SHANK2: variants seen among roughly 807,000 people sequenced by gnomAD.
SHANK2 encodes SH3 and multiple ankyrin repeat domains 2, also known as SH3 and multiple ankyrin repeat domains protein 2.
SHANK2 carries 43 observed loss-of-function variants against 133.7 expected under a neutral mutation model. The observed-to-expected ratio is 0.32, with a 90% CI of 0.25 to 0.41. SHANK2 has a LOEUF of 0.41. Ranked by LOEUF, SHANK2 falls within the 10% of genes least tolerant of loss-of-function variation. The pLI is 1.00. For synonymous variants in SHANK2, 1,017 were observed against 952.8 expected, an observed-to-expected ratio of 1.07 and a Z score of -1.24; for missense variants, 1,994 against 2,235.8, an observed-to-expected ratio of 0.89 and a Z score of 2.18.
chr11:70,660,115 A>C (rs2061462706), intron 16 of SHANK2, among the ~76,000 whole-genome samples, 163 bp from the exon 17 acceptor site: 1 of 151,972 alleles, frequency 6.6e-6, no homozygotes, highest in Non-Finnish European at 1.5e-5. Context: ...TGAGATTCAT[A>C]CTCATGGGCT....
At chr11:70,863,816 T>C (rs369161728) in intron 11 of SHANK2, 3 of 457,606 alleles carry the variant, frequency 6.6e-6, no homozygotes, top group African/African-American at 4.0e-5. Flanking sequence ...AGAGGAAACC[T>C]GGACAGACAG....
intron 3 of SHANK2, among the ~76,000 whole-genome samples, chr11:71,143,095 C>T (rs1340969847): frequency 6.6e-6 from 1 of 152,134 alleles, no homozygotes; most frequent in Non-Finnish European, 1.5e-5. Flanking sequence ...ATTAGCCGGG[C>T]ATGGCGGCAG....
At chr11:70,851,420 AAAAG>A (rs1352829923) in intron 11 of SHANK2, among the ~76,000 whole-genome samples, 2 of 152,220 alleles carry the variant, frequency 1.3e-5, no homozygotes, top group Non-Finnish European at 2.9e-5. Flanking sequence ...GGACATAAAT[AAAAG>A]AAACAGGTCC....
chr11:71,059,763 A>T (rs1265447988), intron 9 of SHANK2, among the ~76,000 whole-genome samples: 2 of 152,184 alleles, frequency 1.3e-5, no homozygotes, highest in Non-Finnish European at 2.9e-5. Context: ...TGAGTTGGGT[A>T]GTAAAGGCCG....
intron 9 of SHANK2, among the ~76,000 whole-genome samples, chr11:71,061,294 A>G (rs1461930671): frequency 1.3e-5 from 2 of 152,278 alleles, no homozygotes; most frequent in Non-Finnish European, 2.9e-5. Context: ...TCTTTACAGA[A>G]AAAAGGGTAC....
chr11:70,736,190 A>G (rs1194591032), intron 14 of SHANK2, among the ~76,000 whole-genome samples: 3 of 152,078 alleles, frequency 2.0e-5, no homozygotes, highest in Admixed American at 2.0e-4. Context: ...CATTCAGGCC[A>G]TGCATGGCCT....
In SHANK2 at chr11:71,073,138, TTTTCTTTTCTTTTTTTTCTTTTTTTTC is replaced by T. The variant is rs1951165432; in HGVS notation, c.1029+1994_1029+2020del. 2.1e-5 allele frequency among the ~76,000 whole-genome samples: 2 copies of T among 95,472 alleles called. 1 individual carries two copies. The highest frequency in any genetic ancestry group is 6.1e-5 in the African/African-American group (2 of 32,978). 62.6% of individuals were successfully genotyped at this position (95,472 alleles called of 152,430 possible). A position where few individuals can be genotyped will look rare whatever the true frequency, so the allele number is the denominator to read the frequency against. On this transcript the variant is annotated intron_variant, in intron 9 of 25. Coordinates refer to ENST00000601538, the MANE Select transcript of SHANK2 (RefSeq NM_012309.5). ...AAGGCTTGCTTTTTGTTTTTTTTCT[TTTTCTTTTCTTTTTTTTCTTTTTTTTC>T]TTTTTTTTTTTGAGATAGAGTCTTG...
At chr11:71,088,757 C>T (rs879037028) in intron 8 of SHANK2, among the ~76,000 whole-genome samples, 5 of 142,632 alleles carry the variant, frequency 3.5e-5, no homozygotes, top group Admixed American at 6.9e-5. Flanking sequence ...CACCAGGGGC[C>T]GCCCCTCATC....
Position 70,804,857 on chromosome 11 carries a change from C to G in SHANK2, c.1663+2145G>C, listed in dbSNP as rs559567967. Reference sequence around the variant, plus strand: ...GAGACTCGGATCCACTGATGGGGCTCATCACCGGCTCCCCCTCTCCCTTGA... The same window carrying G: ...GAGACTCGGATCCACTGATGGGGCTGATCACCGGCTCCCCCTCTCCCTTGA... On this transcript the variant is annotated intron_variant, in intron 13 of 25. Transcript: ENST00000601538. This position sits in a 1 kb window ranked among gnomAD's most constrained non-coding sequence, Gnocchi z 4.1. Among the ~76,000 whole-genome samples the G allele has an allele frequency of 3.3e-5, 5 of 152,264 alleles. No individual in the cohort carries two copies. The South Asian group carries it at 1.0e-3, about 32-fold the overall frequency.
chr11:71,097,699 C>A (rs1267058383), intron 6 of SHANK2, among the ~76,000 whole-genome samples: 1 of 151,882 alleles, frequency 6.6e-6, no homozygotes, highest in Non-Finnish European at 1.5e-5. Context: ...CAGGAGGGCA[C>A]TAGCCACGGC....
chr11:70,574,876 C>T (rs971174043), intron 17 of SHANK2, among the ~76,000 whole-genome samples: 1 of 152,176 alleles, frequency 6.6e-6, no homozygotes, highest in African/African-American at 2.4e-5. Context: ...CCTCGCTGCC[C>T]GGCAAGCTTT....
intron 17 of SHANK2, among the ~76,000 whole-genome samples, chr11:70,638,888 T>C (rs2061141174): frequency 6.6e-6 from 1 of 151,852 alleles, no homozygotes. Context: ...TCCCAGCTAC[T>C]TGGGAGGCTG....
intron 14 of SHANK2, among the ~76,000 whole-genome samples, chr11:70,762,071 C>T (rs1320471958): frequency 2.0e-5 from 3 of 152,186 alleles, no homozygotes; most frequent in African/African-American, 7.2e-5. Flanking sequence ...TTGCAGCGCC[C>T]CAGAGATTCA....
chr11:70,506,732 C>G (rs1335086238), intron 17 of SHANK2, among the ~76,000 whole-genome samples: 15 of 152,136 alleles, frequency 9.9e-5, no homozygotes, highest in African/African-American at 3.6e-4. Flanking sequence ...CCTGGTGGGC[C>G]TGCACCCCTC....
At chr11:70,640,880 C>T (rs72946943) in intron 17 of SHANK2, among the ~76,000 whole-genome samples, 8,639 of 152,168 alleles carry the variant, frequency 0.057, 413 homozygotes, top group African/African-American at 0.12. Flanking sequence ...TGCTTAGCAC[C>T]ATGAGTGCAG....
intron 25 of SHANK2, among the ~76,000 whole-genome samples, chr11:70,476,772 A>C (rs1389611639): frequency 2.6e-5 from 4 of 152,218 alleles, no homozygotes; most frequent in Admixed American, 2.6e-4. Context: ...AGCTGACTAC[A>C]TGGTGACTGT....
intron 10 of SHANK2, among the ~76,000 whole-genome samples, chr11:70,951,393 C>T (rs1555086578): frequency 6.6e-6 from 1 of 151,128 alleles, no homozygotes; most frequent in African/African-American, 2.4e-5. Flanking sequence ...AAATTCATTT[C>T]CCCTGGCTGT....
intron 11 of SHANK2, among the ~76,000 whole-genome samples, chr11:70,881,955 T>C (rs1353276707): frequency 6.6e-6 from 1 of 152,006 alleles, no homozygotes; most frequent in Non-Finnish European, 1.5e-5. Flanking sequence ...CAAAGGATCC[T>C]CCCAGCCCAG....
At chr11:70,482,469 CA>C (rs1555151968) in intron 25 of SHANK2, among the ~76,000 whole-genome samples, 1 of 152,238 alleles carries the variant, frequency 6.6e-6, no homozygotes, top group East Asian at 1.9e-4. Flanking sequence ...CTGGCTCCCA[CA>C]AGGTGAGGAG....
Sources: allele counts gnomAD v4.1 joint callset (sites outside exome capture counted in the v4.1 genomes callset), GRCh38; gene constraint gnomAD v4.1.1; non-coding constraint Gnocchi (gnomAD v3.1); transcripts MANE v1.5; gene names NCBI Gene and HGNC (gene_info 2026-07-23, HGNC 2026-07-21).